The following NTM variants were observed in gnomAD, a reference collection of about 807,000 sequenced individuals.
NTM encodes the protein neurotrimin, also known as IgLON family member 2.
A neutral mutation model predicts 42.1 loss-of-function variants in NTM; 13 were observed. The ratio of observed to expected loss-of-function variants is 0.31; its 90% CI spans 0.20 to 0.49. NTM has a LOEUF of 0.49. Among genes scored for constraint, NTM ranks in the 20% least tolerant of loss-of-function variants. The probability of loss-of-function intolerance (pLI) is 0.99; values close to 1 mark genes in which losing one functional copy is unlikely to be tolerated. For missense variants in NTM, 373 were observed against 452.8 expected (o/e 0.82, Z 1.60); for synonymous variants, 187 against 179.2 (o/e 1.04, Z -0.35).
At chr11:132,066,839 C>A (rs370736232) in intron 2 of NTM, among the ~76,000 whole-genome samples, 1 of 152,188 alleles carries the variant, frequency 6.6e-6, no homozygotes, top group African/African-American at 2.4e-5. Context: ...ATCTATGGAT[C>A]CTTAACTTAA....
intron 1 of NTM, among the ~76,000 whole-genome samples, chr11:131,822,847 C>T (rs1015029383): frequency 1.5e-4 from 23 of 150,878 alleles, no homozygotes; most frequent in East Asian, 3.9e-4. Context: ...TCAAAAAAAG[C>T]GGCTTTGAAA....
chr11:131,902,485 G>A (rs1565701378), intron 1 of NTM, among the ~76,000 whole-genome samples: 1 of 152,172 alleles, frequency 6.6e-6, no homozygotes, highest in African/African-American at 2.4e-5. Flanking sequence ...TAGAGTGAAC[G>A]ATTTTAGTCT....
intron 2 of NTM, among the ~76,000 whole-genome samples, chr11:132,056,122 A>T (rs983176029): frequency 2.6e-5 from 4 of 152,242 alleles, no homozygotes. Context: ...TTAATTGGAA[A>T]TGATAAACTC....
At chr11:131,899,340 T>G (rs1339347166) in intron 1 of NTM, among the ~76,000 whole-genome samples, 1 of 152,182 alleles carries the variant, frequency 6.6e-6, no homozygotes, top group Admixed American at 6.5e-5. Context: ...AGGGGGCATT[T>G]CCACATAAAT....
chr11:131,605,983 G>A, intron 1 of NTM: 1 of 729,772 alleles, frequency 1.4e-6, no homozygotes, highest in Non-Finnish European at 1.7e-6. Flanking sequence ...TTCTTTCTCT[G>A]CCTCTCTGCT....
intron 5 of NTM, among the ~76,000 whole-genome samples, chr11:132,309,658 AG>A (rs1380709101): frequency 6.6e-6 from 1 of 152,214 alleles, no homozygotes; most frequent in Non-Finnish European, 1.5e-5. Context: ...GGCATCAAAA[AG>A]GTTTTTATTC....
chr11:131,963,822 T>C (rs932351991), intron 2 of NTM, among the ~76,000 whole-genome samples: 2 of 152,354 alleles, frequency 1.3e-5, no homozygotes, highest in African/African-American at 4.8e-5. Flanking sequence ...CCTACTTATT[T>C]AATCATCAGA....
chr11:131,721,684 G>T (rs117312574), intron 1 of NTM, among the ~76,000 whole-genome samples: 1 of 152,080 alleles, frequency 6.6e-6, no homozygotes, highest in South Asian at 2.1e-4. Flanking sequence ...AATATCTTAG[G>T]GTTTCTGTGA....
At chr11:131,572,493 C>T (rs2057537019) in intron 1 of NTM, among the ~76,000 whole-genome samples, 1 of 152,288 alleles carries the variant, frequency 6.6e-6, no homozygotes, top group East Asian at 1.9e-4. Context: ...TTCCCTTTGT[C>T]TTCCTTTACC....
intron 1 of NTM, among the ~76,000 whole-genome samples, chr11:131,500,525 A>G (rs2136359500): frequency 6.8e-6 from 1 of 146,174 alleles, no homozygotes; most frequent in East Asian, 2.0e-4. Flanking sequence ...TTTGCTTCAG[A>G]CCCTATAGTT....
intron 1 of NTM, among the ~76,000 whole-genome samples, chr11:131,533,663 G>A (rs1191824178): frequency 2.0e-5 from 3 of 152,160 alleles, no homozygotes; most frequent in African/African-American, 7.2e-5. Flanking sequence ...GTGGCTACAG[G>A]ATTGTTTTAT....
Position 131,632,821 on chromosome 11 carries a change from C to T in NTM, c.82+261933C>T, listed in dbSNP as rs552134634. On this transcript the variant is annotated intron_variant, in intron 1 of 8. Transcript: ENST00000683400. ...TCCCGTGTAGCTGGGACTACAGGCA[C>T]GTGCCACCATGCCCGGCTAATTTTT... Among the ~76,000 whole-genome samples, 410 of 150,916 alleles carry T rather than the reference C, an allele frequency of 2.7e-3. 18 individuals carry two copies. The highest frequency in any genetic ancestry group is 9.7e-3 in the African/African-American group (391 of 40,480).
intron 1 of NTM, among the ~76,000 whole-genome samples, chr11:131,823,074 A>G (rs1319882341): frequency 6.6e-6 from 1 of 152,080 alleles, no homozygotes; most frequent in Non-Finnish European, 1.5e-5. Flanking sequence ...TCTTCAATCC[A>G]GTGAGATTGT....
At chr11:132,316,343 G>T (rs2095429924) in intron 7 of NTM, among the ~76,000 whole-genome samples, 1 of 152,196 alleles carries the variant, frequency 6.6e-6, no homozygotes, top group African/African-American at 2.4e-5. Flanking sequence ...CTTTTCAGCA[G>T]GCACACATGT....
intron 1 of NTM, among the ~76,000 whole-genome samples, chr11:131,648,631 C>A (rs374899341): frequency 1.3e-5 from 2 of 152,090 alleles, no homozygotes; most frequent in Non-Finnish European, 2.9e-5. Context: ...TTGTGTCCTG[C>A]GACAAGTACA....
At chr11:132,204,857 G>A (rs1385835371) in intron 3 of NTM, among the ~76,000 whole-genome samples, 1 of 152,170 alleles carries the variant, frequency 6.6e-6, no homozygotes, top group East Asian at 1.9e-4. Flanking sequence ...CTGTGCCTAG[G>A]CTTCGCTTGG....
chr11:132,011,405 CAG>C (rs2072156931), intron 2 of NTM, among the ~76,000 whole-genome samples: 1 of 152,144 alleles, frequency 6.6e-6, no homozygotes, highest in African/African-American at 2.4e-5. Flanking sequence ...AAATGGAAAA[CAG>C]ATAATGGCAG....
chr11:131,448,975 A>G (rs1950272959), intron 1 of NTM, among the ~76,000 whole-genome samples: 1 of 152,186 alleles, frequency 6.6e-6, no homozygotes, highest in Non-Finnish European at 1.5e-5. Flanking sequence ...AGAACCCTCT[A>G]GGAGACAGCA....
chr11:132,314,411 T>G (rs779972621), intron 6 of NTM, 141 bp from the exon 7 acceptor site: 10 of 863,030 alleles, frequency 1.2e-5, no homozygotes, highest in Middle Eastern at 3.4e-4. Context: ...CATTATGGTG[T>G]GGTTGAGTGG....
Sources: allele counts gnomAD v4.1 joint callset (sites outside exome capture counted in the v4.1 genomes callset), GRCh38; gene constraint gnomAD v4.1.1; transcripts MANE v1.5; gene names NCBI Gene and HGNC (gene_info 2026-07-23, HGNC 2026-07-21).